Variants in SHBG observed in about 807,000 individuals in gnomAD.
The protein encoded by SHBG is sex hormone binding globulin.
In SHBG, 37 loss-of-function variants were observed where a neutral mutation model predicts 41.9. The observed-to-expected ratio is 0.88, with a 90% CI of 0.68 to 1.16. The LOEUF (loss-of-function observed/expected upper bound fraction) is 1.16. Ranked by LOEUF, SHBG falls within the 50% of genes most tolerant of loss-of-function variation. SHBG has a pLI of 0.00. For synonymous variants in SHBG, 217 were observed against 205.8 expected (o/e 1.05, Z -0.47); for missense variants, 466 against 499.9 (o/e 0.93, Z 0.65).
At position 7,630,167 on chromosome 17, in the gene SHBG, C is replaced by G; in HGVS notation, c.-6C>G. 4 of 1,611,476 alleles carry G rather than the reference C, an allele frequency of 2.5e-6. No individual in the cohort carries two copies. The highest frequency in any genetic ancestry group is 1.7e-4 in the Middle Eastern group (1 of 6,046). On this transcript the variant is annotated 5_prime_UTR_variant, in exon 1 of 8. Coordinates refer to ENST00000380450, the MANE Select transcript of SHBG (RefSeq NM_001040.5). This position sits in a 1 kb window ranked among gnomAD's most constrained non-coding sequence, Gnocchi z 4.6. The stretch of plus-strand genomic sequence containing the variant: ...GTCTGAGCCGCCGAGTGGACAGTGG[C>G]TGATTATGGAGAGCAGAGGCCCACT...
chr17:7,621,009 T>A (rs1415475298), intron 1 of SHBG, among the ~76,000 whole-genome samples: 1 of 136,080 alleles, frequency 7.3e-6, no homozygotes, highest in Non-Finnish European at 1.5e-5. Context: ...GGTGGGAGAA[T>A]CACTTGAGCC....
chr17:7,626,957 A>G, upstream of SHBG: 1 of 1,613,896 alleles, frequency 6.2e-7, no homozygotes, highest in Non-Finnish European at 8.5e-7. Context: ...ATATTCCGGC[A>G]TCACATAGAT....
chr17:7,627,748 G>T, upstream of SHBG: 3 of 1,214,000 alleles, frequency 2.5e-6, no homozygotes, highest in African/African-American at 1.5e-5. The surrounding 1 kb of genome is among the most constrained non-coding windows in gnomAD (Gnocchi z 4.8). Context: ...GGGGTGGCGG[G>T]AGTCGGGGGG....
upstream of SHBG, among the ~76,000 whole-genome samples, chr17:7,625,979 G>A (rs552328730): frequency 2.7e-5 from 4 of 150,860 alleles, no homozygotes; most frequent in South Asian, 6.3e-4. Context: ...CGAGGCGGAC[G>A]GATCACGAGA....
chr17:7,627,569 C>A (rs1407450198), upstream of SHBG: 4 of 1,609,922 alleles, frequency 2.5e-6, no homozygotes, highest in Admixed American at 1.7e-5. The surrounding 1 kb of genome is among the most constrained non-coding windows in gnomAD (Gnocchi z 4.8). Flanking sequence ...GCAGTCTTCA[C>A]CCGAATCAGC....
chr17:7,620,091 T>TA (rs1567758685), intron 1 of SHBG, among the ~76,000 whole-genome samples: 2 of 102,276 alleles, frequency 2.0e-5, no homozygotes, highest in Admixed American at 2.0e-4. Context: ...ACCCTGTCTC[T>TA]AAAAAAGTAA....
upstream of SHBG, chr17:7,626,621 G>A: frequency 6.2e-7 from 1 of 1,612,024 alleles, no homozygotes; most frequent in Non-Finnish European, 8.5e-7. Context: ...CCACCTGTGG[G>A]AGAAGACAAC....
chr17:7,615,623 A>G (rs2150952863), intron 1 of SHBG, among the ~76,000 whole-genome samples: 1 of 148,602 alleles, frequency 6.7e-6, no homozygotes, highest in Non-Finnish European at 1.5e-5. Flanking sequence ...GTTCGAGACC[A>G]GCGTGGCCAA....
chr17:7,616,700 G>A lies in SHBG; in HGVS notation c.-62+2589G>A, dbSNP rs534876954. Among the ~76,000 whole-genome samples the A allele has an allele frequency of 7.2e-5, 11 of 152,166 alleles. 1 individual carries two copies. The highest frequency in any genetic ancestry group is 2.6e-4 in the African/African-American group (11 of 41,522). ...CGCCTGTAATCCCAGCACTTTGGGA[G>A]GCCAAGATGGGTGGATCACAAGGTC... On this transcript the variant is annotated intron_variant, in intron 1 of 5. Transcript: ENST00000570547.
upstream of SHBG, chr17:7,626,660 A>C (rs1279371861): frequency 6.2e-7 from 1 of 1,611,028 alleles, no homozygotes; most frequent in South Asian, 1.1e-5. Flanking sequence ...AAAAAAGAAA[A>C]AGGTTTTCTC....
chr17:7,622,660 A>T (rs573522670), intron 1 of SHBG, among the ~76,000 whole-genome samples: 17 of 152,198 alleles, frequency 1.1e-4, no homozygotes, highest in South Asian at 6.2e-4. Flanking sequence ...GTGAAAATGG[A>T]GTGATACTGG....
chr17:7,627,505 G>T, upstream of SHBG: 1 of 837,642 alleles, frequency 1.2e-6, no homozygotes, highest in Non-Finnish European at 1.9e-6. This position sits in a 1 kb window ranked among gnomAD's most constrained non-coding sequence, Gnocchi z 4.8. Flanking sequence ...CCCTGCCCCC[G>T]CCTCCTACGA....
chr17:7,615,583 C>T (rs565449739), intron 1 of SHBG, among the ~76,000 whole-genome samples: 2 of 145,984 alleles, frequency 1.4e-5, no homozygotes, highest in African/African-American at 2.5e-5. Context: ...GGTGGATCAC[C>T]TGAGGTCCTC....
rs2072465499 is a variant in SHBG, at chr17:7,632,895, C to T, written c.996C>T (p.Gly332=). The change falls in exon 7 of 8, where the codon GGC becomes GGT. Residue 332 remains glycine, a synonymous_variant. Transcript: ENST00000380450. ...AGGCCCTTGCCCTGCCTCCCTTAGG[C>T]CTGGCTCCCCTCCTTAACCTCTGGG... ...KMKALALPPL[G]LAPLLNLWAK... is the part of the protein sequence containing the mutation. 2.5e-6 allele frequency: 4 copies of T among 1,614,064 alleles called. No individual in the cohort carries two copies. Among genetic ancestry groups the T allele is most frequent in the African/African-American group, 1.3e-5 (1 of 74,938 alleles).
chr17:7,626,637 C>T (rs2072216334), upstream of SHBG: 2 of 1,611,490 alleles, frequency 1.2e-6, no homozygotes, highest in Non-Finnish European at 8.5e-7. Context: ...ACAACACTAA[C>T]TTTTCTGGGG....
chr17:7,614,720 C>T (rs2071930940), intron 1 of SHBG: 3 of 275,458 alleles, frequency 1.1e-5, no homozygotes, highest in Admixed American at 1.1e-4. Context: ...GGGCCGCTCC[C>T]CGTCCGCCGC....
rs756340425 is a variant in SHBG at position 7,630,305 on chromosome 17, C to T, written c.111+22C>T. 6.2e-7 allele frequency: 1 copy of T among 1,601,072 alleles called. No homozygotes were observed. The highest frequency in any genetic ancestry group is 2.2e-5 in the East Asian group (1 of 44,800). On this transcript the variant is annotated intron_variant, in intron 1 of 7. Coordinates refer to ENST00000380450, the MANE Select transcript of SHBG (RefSeq NM_001040.5). The surrounding 1 kb of genome is among the most constrained non-coding windows in gnomAD (Gnocchi z 4.6). ...CCAGGTGCAGGAGCGGGACAGGGCA[C>T]TCAGCTCATGCAGTCTTCCCTTCTC...
intron 1 of SHBG, among the ~76,000 whole-genome samples, chr17:7,618,216 C>T (rs183992809): frequency 1.3e-5 from 2 of 150,158 alleles, no homozygotes; most frequent in East Asian, 4.1e-4. Context: ...GAGAAAGATT[C>T]TGTCTCAAAA....
intron 1 of SHBG, among the ~76,000 whole-genome samples, chr17:7,619,790 A>C (rs1292018688): frequency 6.6e-6 from 1 of 152,108 alleles, no homozygotes; most frequent in Non-Finnish European, 1.5e-5. Flanking sequence ...TTGGAAAAAT[A>C]GTGCTTCTCT....
Sources: gnomAD v4.1 joint callset for allele counts (sites outside exome capture counted in the v4.1 genomes callset) on GRCh38, gnomAD v4.1.1 for gene constraint, Gnocchi (gnomAD v3.1) non-coding constraint, MANE v1.5 for transcripts, NCBI Gene and HGNC (gene_info 2026-07-23, HGNC 2026-07-21) for gene names.